Variants in CYTH3 observed in about 807,000 individuals in gnomAD.
CYTH3 encodes the protein cytohesin-3.
In CYTH3, 23 loss-of-function variants were observed where a neutral mutation model predicts 55.1. The observed-to-expected ratio is 0.42, with a 90% CI of 0.30 to 0.59. CYTH3 has a LOEUF of 0.59. Ranked by LOEUF, CYTH3 falls within the 20% of genes least tolerant of loss-of-function variation. The pLI, the probability that CYTH3 is intolerant of heterozygous loss-of-function variation, is 0.20. For synonymous variants in CYTH3, 249 were observed against 194.9 expected (o/e 1.28, Z -2.31); for missense variants, 413 against 524.8 (o/e 0.79, Z 2.08).
intron 1 of CYTH3, among the ~76,000 whole-genome samples, chr7:6,265,896 AT>A (rs1780479891): frequency 6.6e-6 from 1 of 152,062 alleles, no homozygotes; most frequent in African/African-American, 2.4e-5. Context: ...ACACCACAAT[AT>A]ACTGAGATGG....
intron 3 of CYTH3, 82 bp from the exon 4 acceptor site, chr7:6,187,198 C>T (rs1583760502): frequency 1.4e-6 from 2 of 1,451,058 alleles, no homozygotes. Flanking sequence ...GTACTTTCCC[C>T]CGCAACAACG....
chr7:6,252,242 A>G (rs1779989772), intron 1 of CYTH3, among the ~76,000 whole-genome samples: 2 of 152,232 alleles, frequency 1.3e-5, no homozygotes, highest in South Asian at 2.1e-4. Flanking sequence ...CTATCTCTAT[A>G]CCAGCATGAA....
rs550935403 is a variant in CYTH3, at chr7:6,200,507, T to C, written c.35-9976A>G. On this transcript the variant is annotated intron_variant, in intron 1 of 12. Transcript: ENST00000350796. ...TGTATTTCTGGCTACCTAGTCCTAA[T>C]TGAAATTGATTCTCTTACCCTTAAG... is the stretch of plus-strand genomic sequence containing the variant. Among the ~76,000 whole-genome samples the C allele has an allele frequency of 1.7e-3, 253 of 152,248 alleles. 1 individual carries two copies. The highest frequency in any genetic ancestry group is 2.9e-3 in the Admixed American group (44 of 15,288).
At chr7:6,236,764 TG>T (rs557328413) in intron 1 of CYTH3, among the ~76,000 whole-genome samples, 2 of 152,086 alleles carry the variant, frequency 1.3e-5, no homozygotes, top group African/African-American at 2.4e-5. Context: ...AGTTTCACCA[TG>T]TTGGCTAGGC....
chr7:6,252,694 G>C (rs1037294592), intron 1 of CYTH3, among the ~76,000 whole-genome samples: 1 of 152,178 alleles, frequency 6.6e-6, no homozygotes, highest in Non-Finnish European at 1.5e-5. Context: ...CAATAGGAAA[G>C]TGTTGAGGGA....
chr7:6,179,903 C>CAACCACACACACACA (rs1377544577), intron 4 of CYTH3, among the ~76,000 whole-genome samples: 2 of 142,026 alleles, frequency 1.4e-5, no homozygotes, highest in Admixed American at 1.4e-4. Flanking sequence ...CACCCACACA[C>CAACCACACACACACA]AACCACACAC....
intron 1 of CYTH3, among the ~76,000 whole-genome samples, chr7:6,203,477 T>C (rs1441380311): frequency 2.0e-5 from 3 of 152,214 alleles, no homozygotes; most frequent in Non-Finnish European, 2.9e-5. Context: ...AGATTATTCA[T>C]TGATACTTTC....
chr7:6,202,278 T>C (rs1784073342), intron 1 of CYTH3, among the ~76,000 whole-genome samples: 1 of 152,156 alleles, frequency 6.6e-6, no homozygotes, highest in African/African-American at 2.4e-5. Context: ...AGGTCCCAGC[T>C]GCTGCAGCAC....
At position 6,170,671 on chromosome 7, in the gene CYTH3, A is replaced by G; in HGVS notation, c.712-25T>C. On this transcript the variant is annotated intron_variant, in intron 8 of 12. Transcript: ENST00000350796. The surrounding 1 kb of genome is among the most constrained non-coding windows in gnomAD (Gnocchi z 7.8). ...TCTGCAAGGAGGGAAAACAGCAGCC[A>G]GTTCAGAGACTCGGAGGAAAATGGC... The G allele has an allele frequency of 1.2e-6, 2 of 1,607,216 alleles. No individual in the cohort carries two copies. The highest frequency in any genetic ancestry group is 1.7e-6 in the Non-Finnish European group (2 of 1,176,242).
Position 6,167,904 on chromosome 7 carries a change from T to A in CYTH3, c.824-2094A>T, listed in dbSNP as rs1405034965. On this transcript the variant is annotated intron_variant, in intron 9 of 12. Transcript: ENST00000350796. This position sits in a 1 kb window ranked among gnomAD's most constrained non-coding sequence, Gnocchi z 5.5. ...CCACCTTGGGTCCCCCGCTCACACC[T>A]CCCATGCAGAGCCCCATCCCTGTCC... 6.6e-6 allele frequency among the ~76,000 whole-genome samples: 1 copy of A among 152,128 alleles called. No homozygotes were observed. The highest frequency in any genetic ancestry group is 2.1e-4 in the South Asian group (1 of 4,832).
At chr7:6,259,956 A>C (rs1488054754) in intron 1 of CYTH3, among the ~76,000 whole-genome samples, 2 of 144,910 alleles carry the variant, frequency 1.4e-5, no homozygotes, top group African/African-American at 5.3e-5. Flanking sequence ...TCAGCCTCCT[A>C]AGTAGCTGGG....
At chr7:6,223,836 TAA>T (rs58813864) in intron 1 of CYTH3, among the ~76,000 whole-genome samples, 1,414 of 24,220 alleles carry the variant, frequency 0.058, 8 homozygotes, top group South Asian at 0.1. Context: ...CAATAAATAC[TAA>T]AAAAAAAAAA....
intron 1 of CYTH3, among the ~76,000 whole-genome samples, chr7:6,266,768 C>A (rs1780503602): frequency 6.6e-6 from 1 of 152,200 alleles, no homozygotes; most frequent in African/African-American, 2.4e-5. Flanking sequence ...TTGTTGATTT[C>A]CTTTAACACA....
chr7:6,197,843 G>A (rs2128546004), intron 1 of CYTH3, among the ~76,000 whole-genome samples: 1 of 152,240 alleles, frequency 6.6e-6, no homozygotes, highest in South Asian at 2.1e-4. Context: ...TGTAATCCCA[G>A]TACTTTGGGA....
At chr7:6,195,927 C>A (rs1462838659) in intron 1 of CYTH3, among the ~76,000 whole-genome samples, 21 of 152,160 alleles carry the variant, frequency 1.4e-4, no homozygotes, top group Admixed American at 1.4e-3. Flanking sequence ...AGAATAAGCT[C>A]AAGGAGATCC....
At chr7:6,179,098 G>A (rs769169542) in intron 4 of CYTH3, among the ~76,000 whole-genome samples, 1 of 152,016 alleles carries the variant, frequency 6.6e-6, no homozygotes, top group Non-Finnish European at 1.5e-5. Flanking sequence ...TTAAACACAC[G>A]AACGTCCACA....
chr7:6,259,771 ATTATATATATATAATATAT>A (rs1780256687), intron 1 of CYTH3, among the ~76,000 whole-genome samples: 2 of 22,358 alleles, frequency 8.9e-5, no homozygotes, highest in African/African-American at 8.7e-4. Flanking sequence ...ATATATATAT[ATTATATATATATAATATAT>A]ATATATATAT....
chr7:6,188,761 G>C (rs1208531005), intron 2 of CYTH3: 1 of 152,188 alleles, frequency 6.6e-6, no homozygotes, highest in Non-Finnish European at 1.5e-5. Context: ...AAATGAAGTA[G>C]TTAGAGCTAG....
chr7:6,254,743 C>T (rs1780057518), intron 1 of CYTH3, among the ~76,000 whole-genome samples: 1 of 152,226 alleles, frequency 6.6e-6, no homozygotes, highest in African/African-American at 2.4e-5. Context: ...AGCCATCGCA[C>T]CTGCCCATGT....
Sources: gnomAD v4.1 joint callset for allele counts (sites outside exome capture counted in the v4.1 genomes callset) on GRCh38, gnomAD v4.1.1 for gene constraint, Gnocchi (gnomAD v3.1) non-coding constraint, MANE v1.5 for transcripts, NCBI Gene and HGNC (gene_info 2026-07-23, HGNC 2026-07-21) for gene names.